Variants in NYAP2 observed in about 807,000 individuals in gnomAD.
NYAP2 encodes neuronal tyrosine-phosphorylated phosphoinositide-3-kinase adapter 2.
A neutral mutation model predicts 50.4 loss-of-function variants in NYAP2; 23 were observed. That is an observed-to-expected ratio of 0.46 (90% CI 0.33 to 0.65). NYAP2 has a LOEUF of 0.65. NYAP2 is among the 30% of genes least tolerant of loss of function. NYAP2 has a pLI of 0.02. For synonymous variants in NYAP2, 394 were observed against 365.2 expected (o/e 1.08, Z -0.90); for missense variants, 885 against 861.0 (o/e 1.03, Z -0.35).
chr2:225,521,123 T>C (rs1691048549), intron 4 of NYAP2, among the ~76,000 whole-genome samples: 1 of 149,034 alleles, frequency 6.7e-6, no homozygotes, highest in Non-Finnish European at 1.5e-5. Context: ...ACATTGATTT[T>C]GTATCCTGAG....
chr2:225,540,304 G>A (rs1319834478), intron 4 of NYAP2, among the ~76,000 whole-genome samples: 5 of 152,130 alleles, frequency 3.3e-5, no homozygotes, highest in Admixed American at 3.3e-4. Flanking sequence ...TTTGTTTTCA[G>A]GCTGCTGATG....
intron 3 of NYAP2, among the ~76,000 whole-genome samples, chr2:225,426,065 A>G (rs1695282164): frequency 6.6e-6 from 1 of 152,082 alleles, no homozygotes; most frequent in Non-Finnish European, 1.5e-5. Context: ...TTAATTCTTG[A>G]TAATTGAAAT....
At chr2:225,572,188 C>A (rs114888931) in intron 4 of NYAP2, among the ~76,000 whole-genome samples, 3,827 of 152,280 alleles carry the variant, frequency 0.025, 150 homozygotes, top group African/African-American at 0.087. Flanking sequence ...TTTCTTCTTC[C>A]AAGCCCTCCA....
chr2:225,530,034 C>T (rs1022071044), intron 4 of NYAP2, among the ~76,000 whole-genome samples: 3 of 152,102 alleles, frequency 2.0e-5, no homozygotes, highest in African/African-American at 7.2e-5. Context: ...AGAGAGTATA[C>T]CTGACAAAAA....
At position 225,643,534 on chromosome 2, in the gene NYAP2, G is replaced by T. The variant is rs10221805; in HGVS notation, c.1829-7898G>T. Among the ~76,000 whole-genome samples the T allele has an allele frequency of 4.1e-5, 6 of 147,766 alleles. No individual in the cohort carries two copies. The East Asian group carries it at 1.0e-3, about 25-fold the overall frequency. ...ACGTATACATATGCCATGCTGGTGCGCTGCACCCACTAACTTGTCATCTAG... is the reference window on the plus strand; with the variant it reads ...ACGTATACATATGCCATGCTGGTGCTCTGCACCCACTAACTTGTCATCTAG... On this transcript the variant is annotated intron_variant, in intron 6 of 6. Transcript: ENST00000636099.
the NYAP2 span, among the ~76,000 whole-genome samples, chr2:225,660,863 G>A: frequency 6.6e-6 from 1 of 152,082 alleles, no homozygotes; most frequent in Non-Finnish European, 1.5e-5. Flanking sequence ...TAAATAGTAT[G>A]CCTTTAAAAA....
intron 3 of NYAP2, among the ~76,000 whole-genome samples, chr2:225,428,458 T>C (rs1415903865): frequency 6.6e-6 from 1 of 152,246 alleles, no homozygotes; most frequent in Non-Finnish European, 1.5e-5. Context: ...TTGATTATTT[T>C]GGGCATTTGT....
Position 225,513,361 on chromosome 2 carries a change from T to G in NYAP2, c.222-10T>G, listed in dbSNP as rs780024226. The G allele has an allele frequency of 2.7e-5, 44 of 1,613,690 alleles. No homozygotes were observed. Among genetic ancestry groups the G allele is most frequent in the Non-Finnish European group, 1.7e-5 (20 of 1,179,774 alleles). On this transcript the variant is annotated splice_polypyrimidine_tract_variant and intron_variant, in intron 3 of 6. Transcript: ENST00000636099. ...TGTCTTCATGGTTTTTGGTCTGCTT[T>G]CTTTTACAGCATAGGTGGAGAAGTA...
At position 225,504,506 on chromosome 2, in the gene NYAP2, G is replaced by C. The variant is rs150513112; in HGVS notation, c.222-8865G>C. Among the ~76,000 whole-genome samples, 3 of 152,202 alleles carry C rather than the reference G, an allele frequency of 2.0e-5. No individual in the cohort carries two copies. The East Asian group carries it at 5.8e-4, about 29-fold the overall frequency. Reference sequence around the variant, plus strand: ...CCACCTTGATAGGCTATTTTAAAATGTCTTATTTCATTTTACTTTATAACA... The same window carrying C: ...CCACCTTGATAGGCTATTTTAAAATCTCTTATTTCATTTTACTTTATAACA... On this transcript the variant is annotated intron_variant, in intron 3 of 6. Transcript: ENST00000636099.
At chr2:225,638,903 C>A (rs1693476050) in intron 6 of NYAP2, among the ~76,000 whole-genome samples, 1 of 152,236 alleles carries the variant, frequency 6.6e-6, no homozygotes, top group Non-Finnish European at 1.5e-5. Context: ...GCCATCTCTT[C>A]TGTTTGCCAG....
intron 5 of NYAP2, among the ~76,000 whole-genome samples, chr2:225,609,282 A>G (rs1300111069): frequency 2.0e-5 from 3 of 152,148 alleles, no homozygotes; most frequent in African/African-American, 7.2e-5. Flanking sequence ...TCCAGTCCCA[A>G]GTGATGCCGT....
intron 3 of NYAP2, among the ~76,000 whole-genome samples, chr2:225,423,774 A>G (rs551697156): frequency 6.6e-6 from 1 of 152,304 alleles, no homozygotes; most frequent in East Asian, 1.9e-4. Flanking sequence ...GCCAACTAGC[A>G]ACTCTTGTTA....
the NYAP2 span, among the ~76,000 whole-genome samples, chr2:225,663,524 G>A: frequency 6.6e-6 from 1 of 151,856 alleles, no homozygotes; most frequent in Admixed American, 6.6e-5. Context: ...TACACCTCAG[G>A]TTCATCCACA....
intron 3 of NYAP2, among the ~76,000 whole-genome samples, chr2:225,461,359 A>T (rs1390196218): frequency 2.6e-5 from 4 of 152,242 alleles, no homozygotes; most frequent in African/African-American, 9.6e-5. Flanking sequence ...ATCTTTTCTC[A>T]TTGTGCAATC....
At chr2:225,703,176 AATAGCTATGAGAAG>A in the NYAP2 span, 1 of 151,754 alleles carries the variant, frequency 6.6e-6, no homozygotes, top group Non-Finnish European at 1.5e-5. Context: ...AATTGAAACA[AATAGCTATGAGAAG>A]ATGATATAAA....
chr2:225,586,695 T>C (rs938151336), intron 5 of NYAP2, among the ~76,000 whole-genome samples: 3 of 152,190 alleles, frequency 2.0e-5, no homozygotes, highest in Admixed American at 6.5e-5. Context: ...ATTTGATTTT[T>C]TAGAAGATGT....
Position 225,418,690 on chromosome 2 carries a change from A to C in NYAP2, c.221+9589A>C, listed in dbSNP as rs557092735. On this transcript the variant is annotated intron_variant, in intron 3 of 6. Coordinates refer to ENST00000636099, the Ensembl canonical transcript of NYAP2. The stretch of plus-strand genomic sequence containing the variant: ...GTGTTAGGATTTCAATGATTTGTTG[A>C]TATTTGTAAGAATTTCATGTTTCAT... 8.5e-5 allele frequency among the ~76,000 whole-genome samples: 13 copies of C among 152,322 alleles called. No homozygotes were observed. In the East Asian group the frequency reaches 2.3e-3, roughly 27 times the overall value.
chr2:225,427,283 A>C (rs141745345), intron 3 of NYAP2, among the ~76,000 whole-genome samples: 118 of 152,336 alleles, frequency 7.7e-4, no homozygotes, highest in Middle Eastern at 3.4e-3. Context: ...CAAAAGGGAC[A>C]ATTTTCTTAA....
At chr2:225,642,697 G>A (rs923441008) in intron 6 of NYAP2, among the ~76,000 whole-genome samples, 3 of 152,134 alleles carry the variant, frequency 2.0e-5, no homozygotes, top group Admixed American at 2.0e-4. Flanking sequence ...GGCCACTTCT[G>A]GAGGTAGAGT....
Sources: allele counts gnomAD v4.1 joint callset (sites outside exome capture counted in the v4.1 genomes callset), GRCh38; gene constraint gnomAD v4.1.1; transcripts MANE v1.5; gene names NCBI Gene and HGNC (gene_info 2026-07-23, HGNC 2026-07-21).